TNS3: variants seen among roughly 807,000 people sequenced by gnomAD.
The protein encoded by TNS3 is tensin 3.
A neutral mutation model predicts 140.9 loss-of-function variants in TNS3; 45 were observed. That is an observed-to-expected ratio of 0.32 (90% CI 0.25 to 0.41). The LOEUF (loss-of-function observed/expected upper bound fraction) is 0.41. TNS3 is among the 10% of genes least tolerant of loss of function. The pLI is 1.00. For synonymous variants in TNS3, 815 were observed against 788.4 expected (o/e 1.03, Z -0.56); for missense variants, 1,716 against 1,906.7 (o/e 0.90, Z 1.86).
rs1268202063 is a variant in TNS3, at chr7:47,415,180, A to G, written c.500T>C (p.Leu167Pro). 6.2e-7 allele frequency: 1 copy of G among 1,610,024 alleles called. No individual in the cohort carries two copies. Among genetic ancestry groups the G allele is most frequent in the Non-Finnish European group, 8.5e-7 (1 of 1,178,520 alleles). The stretch of plus-strand genomic sequence containing the variant: ...GGCATTCATTTTCACCGATCCGGAC[A>G]GGAGCCCACTGAGGAACTGAACATA... ...KRYVQFLSGL[L>P]SGSVKMNASP... is the part of the protein sequence containing the mutation. Residue 167 changes from leucine (L) to proline (P), a missense_variant, in exon 11 of 31, where the codon CTG becomes CCG. Leu to Pro is a moderately conservative substitution (Grantham distance 98, BLOSUM62 -3). Transcript: ENST00000311160.
At chr7:47,447,027 G>A (rs1401107902) in intron 4 of TNS3, among the ~76,000 whole-genome samples, 1 of 108,406 alleles carries the variant, frequency 9.2e-6, no homozygotes, top group African/African-American at 2.9e-5. Flanking sequence ...ACAGGTCCTG[G>A]AGCTCATCCT....
At chr7:47,510,082 A>T (rs77179332) in intron 2 of TNS3, among the ~76,000 whole-genome samples, 3,270 of 152,124 alleles carry the variant, frequency 0.021, 116 homozygotes, top group African/African-American at 0.074. Context: ...TGTTTTACTA[A>T]TGTGAGACTG....
At chr7:47,355,328 A>G (rs1789932812) in intron 17 of TNS3, among the ~76,000 whole-genome samples, 1 of 152,188 alleles carries the variant, frequency 6.6e-6, no homozygotes, top group Non-Finnish European at 1.5e-5. Flanking sequence ...GACGTACCTT[A>G]TCCAAAGCCA....
rs570293679 is a variant in TNS3, at chr7:47,368,876, C to T, written c.1770G>A (p.Val590=). 6.2e-7 allele frequency: 1 copy of T among 1,613,742 alleles called. No individual in the cohort carries two copies. Among genetic ancestry groups the T allele is most frequent in the African/African-American group, 1.3e-5 (1 of 75,064 alleles). Residue 590 remains valine (V), a synonymous_variant, in exon 17 of 31, where the codon GTG becomes GTA. Transcript: ENST00000311160. ...GAGCTACAACCATCTGCTGCTGGCG[C>T]ACCCAGGTCTGTGTGGAGTAGCTGC... is the stretch of plus-strand genomic sequence containing the variant. The part of the protein sequence containing the change: ...GQSSYSTQTW[V]RQQQMVVAHQ...
At chr7:47,331,001 T>G (rs932298859) in intron 20 of TNS3, among the ~76,000 whole-genome samples, 1 of 152,180 alleles carries the variant, frequency 6.6e-6, no homozygotes, top group Non-Finnish European at 1.5e-5. Context: ...AGAGGAACCC[T>G]GGACCAGCCC....
intron 16 of TNS3, among the ~76,000 whole-genome samples, chr7:47,371,416 C>T (rs1336642198): frequency 6.6e-6 from 1 of 152,172 alleles, no homozygotes; most frequent in Non-Finnish European, 1.5e-5. Context: ...CAGGCAGCTG[C>T]TAGGAGGTGG....
intron 20 of TNS3, among the ~76,000 whole-genome samples, chr7:47,339,960 T>TGC (rs1788859383): frequency 8.0e-6 from 1 of 124,538 alleles, no homozygotes; most frequent in Admixed American, 7.5e-5. Context: ...AAGTGGCATA[T>TGC]ATATATATAT....
At chr7:47,486,328 T>C (rs1473435883) in intron 3 of TNS3, among the ~76,000 whole-genome samples, 1 of 151,928 alleles carries the variant, frequency 6.6e-6, no homozygotes, top group African/African-American at 2.4e-5. Flanking sequence ...TGTTTCTATG[T>C]ATGCCTATGC....
intron 1 of TNS3, among the ~76,000 whole-genome samples, chr7:47,570,830 T>A (rs1800535319): frequency 6.6e-6 from 1 of 152,182 alleles, no homozygotes; most frequent in African/African-American, 2.4e-5. Flanking sequence ...TCTTTCTTTT[T>A]TTTTTTAAGC....
In TNS3 at chr7:47,361,010, G is replaced by A. The variant is rs574196039; in HGVS notation, c.2281+7355C>T. Among the ~76,000 whole-genome samples the A allele has an allele frequency of 3.7e-4, 56 of 151,950 alleles. 1 individual carries two copies. Among genetic ancestry groups the A allele is most frequent in the Admixed American group, 3.1e-3 (48 of 15,262 alleles). The stretch of plus-strand genomic sequence containing the variant: ...CCAATGTCCAGCTGCTACGGGCGCA[G>A]GCGCTGGGGCCCACTTGCTTACTTC... On this transcript the variant is annotated intron_variant, in intron 17 of 30. Coordinates refer to ENST00000311160, the MANE Select transcript of TNS3 (RefSeq NM_022748.12).
intron 2 of TNS3, among the ~76,000 whole-genome samples, chr7:47,511,241 A>C (rs1198265691): frequency 1.3e-5 from 2 of 152,204 alleles, no homozygotes; most frequent in African/African-American, 4.8e-5. Context: ...AAGCCTATTA[A>C]AATGCCTCCT....
chr7:47,474,549 AAC>A (rs976034127), intron 4 of TNS3, among the ~76,000 whole-genome samples: 11 of 150,250 alleles, frequency 7.3e-5, no homozygotes, highest in South Asian at 2.1e-4. Context: ...ACTTCAGCAC[AAC>A]ACACACAGCA....
chr7:47,498,956 G>A (rs1321302690), intron 3 of TNS3, among the ~76,000 whole-genome samples: 18 of 152,360 alleles, frequency 1.2e-4, no homozygotes, highest in Middle Eastern at 3.4e-3. Flanking sequence ...CCCAGCTGAC[G>A]CACTTCCTCA....
chr7:47,561,570 C>T (rs893860654), intron 1 of TNS3, among the ~76,000 whole-genome samples: 2 of 152,176 alleles, frequency 1.3e-5, no homozygotes, highest in East Asian at 1.9e-4. Flanking sequence ...CATGCAGTCA[C>T]CTCAGAAGTG....
chr7:47,303,632 A>T (rs935575232), intron 21 of TNS3, 48 bp from the exon 22 acceptor site: 5 of 1,505,482 alleles, frequency 3.3e-6, no homozygotes, highest in Non-Finnish European at 4.4e-6. Flanking sequence ...GTACAAAGAG[A>T]CACCTGAAGA....
intron 1 of TNS3, among the ~76,000 whole-genome samples, chr7:47,565,903 C>G (rs1441007506): frequency 1.3e-5 from 2 of 152,142 alleles, no homozygotes; most frequent in Non-Finnish European, 2.9e-5. Flanking sequence ...CACACGGGCG[C>G]TGGGAGGCTT....
intron 30 of TNS3, chr7:47,279,922 T>C (rs1785051134): frequency 7.0e-6 from 4 of 574,424 alleles, no homozygotes; most frequent in Admixed American, 3.1e-5. Context: ...CCTGTATCTA[T>C]GCCACAGTGT....
intron 4 of TNS3, among the ~76,000 whole-genome samples, chr7:47,454,238 A>C (rs1056835877): frequency 1.2e-4 from 18 of 152,158 alleles, no homozygotes; most frequent in African/African-American, 4.3e-4. Flanking sequence ...TGCTCAGACC[A>C]GGCTCAGCTC....
At position 47,277,503 on chromosome 7, in the gene TNS3, C is replaced by T. The variant is rs2150515467; in HGVS notation, c.*573G>A. 1 of 163,610 alleles carries T rather than the reference C, an allele frequency of 6.1e-6. No individual in the cohort carries two copies. The highest frequency in any genetic ancestry group is 6.0e-5 in the Admixed American group (1 of 16,572). The allele number at this position is 163,610 out of a possible 1,614,324, so 10.1% of individuals were successfully genotyped here. On this transcript the variant is annotated 3_prime_UTR_variant, in exon 31 of 31. Transcript: ENST00000311160. ...TCCTCACAGCCCATCGCAAAGGCCC[C>T]TCGTTGTAGGCCCTGCTGTGTTCCA...
Sources: allele counts gnomAD v4.1 joint callset (sites outside exome capture counted in the v4.1 genomes callset), GRCh38; gene constraint gnomAD v4.1.1; transcripts MANE v1.5; gene names NCBI Gene and HGNC (gene_info 2026-07-23, HGNC 2026-07-21).